The following CCM2 variants were observed in gnomAD, a reference collection of about 807,000 sequenced individuals.
CCM2 encodes the protein cerebral cavernous malformations 2 protein.
A neutral mutation model predicts 44.9 loss-of-function variants in CCM2; 25 were observed. The ratio of observed to expected loss-of-function variants is 0.56; its 90% CI spans 0.41 to 0.78. The LOEUF is 0.78. Ranked by LOEUF, CCM2 falls within the 30% of genes least tolerant of loss-of-function variation. CCM2 has a pLI of 0.00. For synonymous variants in CCM2, 219 were observed against 241.1 expected, an observed-to-expected ratio of 0.91 and a Z score of 0.85; for missense variants, 481 against 580.6, an observed-to-expected ratio of 0.83 and a Z score of 1.76.
At chr7:45,015,800 A>G (rs1796241976) in intron 1 of CCM2, among the ~76,000 whole-genome samples, 1 of 152,178 alleles carries the variant, frequency 6.6e-6, no homozygotes, top group Non-Finnish European at 1.5e-5. Flanking sequence ...TCATCTCTGG[A>G]CATGCTTCCC....
At chr7:45,053,551 C>T (rs1286036064) in intron 2 of CCM2, among the ~76,000 whole-genome samples, 1 of 152,196 alleles carries the variant, frequency 6.6e-6, no homozygotes, top group Non-Finnish European at 1.5e-5. Flanking sequence ...CCCCTGGCTA[C>T]TATTTTGACT....
chr7:45,068,020 T>C (rs1798866007), intron 4 of CCM2: 1 of 267,252 alleles, frequency 3.7e-6, no homozygotes, highest in Admixed American at 4.8e-5. Context: ...CACTGGGGTC[T>C]GACCGTCTAG....
Position 45,034,031 on chromosome 7 carries a change from C to T in CCM2, c.31-4222C>T, listed in dbSNP as rs571220638. ...CATGAGAACCCCGCACTGCAAACTA[C>T]CTGTCATGTCCAAACTTGTCCTGGG... On this transcript the variant is annotated intron_variant, in intron 1 of 9. Coordinates refer to ENST00000258781, the MANE Select transcript of CCM2 (RefSeq NM_031443.4). Among the ~76,000 whole-genome samples the T allele has an allele frequency of 2.6e-5, 4 of 152,230 alleles. No homozygotes were observed. The South Asian group carries it at 6.2e-4, about 24-fold the overall frequency.
intron 4 of CCM2, among the ~76,000 whole-genome samples, chr7:45,067,150 T>C (rs200896172): frequency 6.6e-6 from 1 of 151,986 alleles, no homozygotes; most frequent in African/African-American, 2.4e-5. Flanking sequence ...TCCGCCACCT[T>C]GGCCTCCCAA....
chr7:45,025,034 T>C (rs902319171), intron 1 of CCM2, among the ~76,000 whole-genome samples: 4 of 152,210 alleles, frequency 2.6e-5, no homozygotes, highest in African/African-American at 9.6e-5. Context: ...ATTTTTCTCA[T>C]GTTAAACTTT....
intron 1 of CCM2, among the ~76,000 whole-genome samples, chr7:45,035,833 A>T (rs993428335): frequency 1.3e-5 from 2 of 152,118 alleles, no homozygotes; most frequent in African/African-American, 4.8e-5. Context: ...ATACATATAT[A>T]TATATATGTA....
intron 1 of CCM2, chr7:45,029,563 T>A (rs925060592): frequency 1.3e-5 from 2 of 152,218 alleles, no homozygotes; most frequent in Non-Finnish European, 2.9e-5. Flanking sequence ...GTTTCATGAG[T>A]CTGCTTTTGC....
At chr7:45,041,575 C>T (rs188936289) in intron 2 of CCM2, among the ~76,000 whole-genome samples, 1 of 152,300 alleles carries the variant, frequency 6.6e-6, no homozygotes, top group East Asian at 1.9e-4. Context: ...TCCTTCTGAC[C>T]AAAGGACCAG....
At chr7:45,003,559 C>T (rs1049222738) in intron 1 of CCM2, among the ~76,000 whole-genome samples, 1 of 151,722 alleles carries the variant, frequency 6.6e-6, no homozygotes, top group Non-Finnish European at 1.5e-5. Context: ...ATGGTGAAAC[C>T]CCGTCTCTAC....
chr7:45,039,887 C>T (rs1031743581), intron 2 of CCM2, among the ~76,000 whole-genome samples: 1 of 151,876 alleles, frequency 6.6e-6, no homozygotes, highest in East Asian at 1.9e-4. Flanking sequence ...ATTAGCCGGG[C>T]GTGGTGGCAG....
At chr7:45,057,217 CA>C (rs1798303765) in intron 2 of CCM2, among the ~76,000 whole-genome samples, 1 of 151,302 alleles carries the variant, frequency 6.6e-6, no homozygotes, top group Non-Finnish European at 1.5e-5. Flanking sequence ...GGCTGGAGTG[CA>C]GTGGTATGAT....
At chr7:45,051,409 A>G (rs373799624) in intron 2 of CCM2, among the ~76,000 whole-genome samples, 1 of 151,938 alleles carries the variant, frequency 6.6e-6, no homozygotes, top group East Asian at 1.9e-4. Flanking sequence ...TTATTTATTT[A>G]TTTATTGAGA....
chr7:45,008,737 A>G (rs1795949186), intron 1 of CCM2, among the ~76,000 whole-genome samples: 2 of 152,244 alleles, frequency 1.3e-5, no homozygotes, highest in Admixed American at 1.3e-4. Context: ...TTTCTGTCAG[A>G]TGTCTGAAAA....
chr7:45,056,436 A>G (rs879344301), intron 2 of CCM2, among the ~76,000 whole-genome samples: 32 of 152,216 alleles, frequency 2.1e-4, no homozygotes, highest in East Asian at 5.8e-4. Context: ...AGGAGGATCA[A>G]TTGAGCTCAG....
At chr7:45,007,458 T>C (rs1202663841) in intron 1 of CCM2, among the ~76,000 whole-genome samples, 2 of 152,228 alleles carry the variant, frequency 1.3e-5, no homozygotes, top group African/African-American at 4.8e-5. Flanking sequence ...CATTTGGATT[T>C]GTCAATGGAA....
intron 1 of CCM2, among the ~76,000 whole-genome samples, chr7:45,000,717 G>C (rs1163902388): frequency 6.6e-6 from 1 of 152,244 alleles, no homozygotes; most frequent in Non-Finnish European, 1.5e-5. Flanking sequence ...TGGTTAACGT[G>C]GAGACGTTTG....
chr7:45,008,573 A>G (rs12531156), intron 1 of CCM2, among the ~76,000 whole-genome samples: 131,680 of 151,792 alleles, frequency 0.87, 57,418 homozygotes, highest in African/African-American at 0.96. Flanking sequence ...TGTGGGTCAG[A>G]CTGGTCTCAA....
intron 2 of CCM2, among the ~76,000 whole-genome samples, chr7:45,061,116 A>G (rs1352116123): frequency 6.6e-6 from 1 of 152,162 alleles, no homozygotes; most frequent in African/African-American, 2.4e-5. Flanking sequence ...ATTCCTTCTT[A>G]AATAGAGTCT....
chr7:45,049,296 C>T (rs1797894420), intron 2 of CCM2, among the ~76,000 whole-genome samples: 1 of 152,106 alleles, frequency 6.6e-6, no homozygotes, highest in South Asian at 2.1e-4. Context: ...AATTTATGTA[C>T]ATGGTTCAAA....
Sources: gnomAD v4.1 joint callset for allele counts (sites outside exome capture counted in the v4.1 genomes callset) on GRCh38, gnomAD v4.1.1 for gene constraint, MANE v1.5 for transcripts, NCBI Gene and HGNC (gene_info 2026-07-23, HGNC 2026-07-21) for gene names.